SOS2: variants seen among roughly 807,000 people sequenced by gnomAD.
The protein encoded by SOS2 is SOS Ras/Rho guanine nucleotide exchange factor 2.
SOS2 carries 65 observed loss-of-function variants against 148.2 expected under a neutral mutation model. That is an observed-to-expected ratio of 0.44 (90% CI 0.36 to 0.54). The LOEUF is 0.54. Ranked by LOEUF, SOS2 falls within the 20% of genes least tolerant of loss-of-function variation. The pLI is 0.00. For missense variants in SOS2, 1,341 were observed against 1,590.2 expected, an observed-to-expected ratio of 0.84 and a Z score of 2.67; for synonymous variants, 539 against 537.1, an observed-to-expected ratio of 1.00 and a Z score of -0.05.
rs1566487887 is a variant in SOS2, at chr14:50,224,306, TATATATATAC to T, written c.87+6881_87+6890del. Among the ~76,000 whole-genome samples the T allele has an allele frequency of 3.7e-3, 176 of 47,798 alleles. 9 individuals are homozygous for T. Among genetic ancestry groups the T allele is most frequent in the African/African-American group, 0.015 (167 of 11,092 alleles). 31.4% of individuals were successfully genotyped at this position (47,798 alleles called of 152,430 possible). On this transcript the variant is annotated intron_variant, in intron 1 of 22. Transcript: ENST00000216373. ...ACTCCGTCTCAGGAAAAAAAAAAAA[TATATATATAC>T]ACACACACACACACACACACACACA...
At chr14:50,203,644 G>T (rs753815629) in intron 2 of SOS2, among the ~76,000 whole-genome samples, 3 of 151,782 alleles carry the variant, frequency 2.0e-5, no homozygotes, top group Non-Finnish European at 4.4e-5. Context: ...TTAAATCACT[G>T]AGCAAATGTC....
intron 14 of SOS2, among the ~76,000 whole-genome samples, chr14:50,149,337 G>C (rs901324114): frequency 1.3e-5 from 2 of 152,148 alleles, no homozygotes; most frequent in African/African-American, 4.8e-5. Context: ...ATGAAAGCCT[G>C]TCGTTCAAGG....
At chr14:50,172,464 C>T (rs887517291) in intron 8 of SOS2, among the ~76,000 whole-genome samples, 4 of 115,460 alleles carry the variant, frequency 3.5e-5, no homozygotes, top group Non-Finnish European at 4.9e-5. Context: ...GTTGTCCAAG[C>T]TGTCTCCTGC....
At chr14:50,227,202 T>C (rs1373059795) in intron 1 of SOS2, among the ~76,000 whole-genome samples, 2 of 151,786 alleles carry the variant, frequency 1.3e-5, no homozygotes, top group South Asian at 2.1e-4. Flanking sequence ...TATTTTTCCA[T>C]AAACCTATTT....
At chr14:50,168,482 A>G (rs950294514) in intron 8 of SOS2, among the ~76,000 whole-genome samples, 7 of 152,136 alleles carry the variant, frequency 4.6e-5, no homozygotes, top group African/African-American at 1.7e-4. Context: ...TCAGCCTCCC[A>G]AAGTGCTGGG....
At chr14:50,155,042 T>C (rs569992520) in intron 12 of SOS2, among the ~76,000 whole-genome samples, 4 of 150,804 alleles carry the variant, frequency 2.7e-5, no homozygotes, top group Middle Eastern at 3.4e-3. Flanking sequence ...TTAAGGAGTG[T>C]ACTTCAAAAT....
At chr14:50,135,743 T>C (rs1884059185) in intron 18 of SOS2, among the ~76,000 whole-genome samples, 1 of 149,946 alleles carries the variant, frequency 6.7e-6, no homozygotes, top group Non-Finnish European at 1.5e-5. Flanking sequence ...TTGCTTATTT[T>C]ACAAAATACA....
At chr14:50,145,633 A>G in intron 14 of SOS2, 37 bp from the exon 15 acceptor site, 2 of 1,369,564 alleles carry the variant, frequency 1.5e-6, no homozygotes, top group Non-Finnish European at 2.0e-6. Context: ...TAACCTATAA[A>G]GGATTTGTAT....
intron 8 of SOS2, among the ~76,000 whole-genome samples, chr14:50,163,084 T>C (rs1213445005): frequency 6.6e-6 from 1 of 151,340 alleles, no homozygotes; most frequent in African/African-American, 2.4e-5. Flanking sequence ...TTTTTTAATT[T>C]TTCTGTAGAG....
Position 50,200,988 on chromosome 14 carries a change from A to C in SOS2, c.310T>G (p.Leu104Val). Reference protein sequence around the residue: ...IEKRKRRNPLLLPVDKIHPSL... With the variant: ...IEKRKRRNPLVLPVDKIHPSL... ...GGATGGATTTTGTCCACAGGCAGTA[A>C]AAGAGGATTTCTTCGTTTTCGTTTT... The change falls in exon 3 of 23, where the codon TTA becomes GTA. Residue 104 changes from leucine to valine, a missense_variant. This residue lies in a region of SOS2 where 574 missense variants were observed against 711.1 expected (regional missense o/e 0.81). Coordinates refer to ENST00000216373, the MANE Select transcript of SOS2 (RefSeq NM_006939.4). The C allele has an allele frequency of 6.2e-7, 1 of 1,614,020 alleles. No individual in the cohort carries two copies. The highest frequency in any genetic ancestry group is 8.5e-7 in the Non-Finnish European group (1 of 1,179,960).
At chr14:50,120,410 C>T in intron 21 of SOS2, 26 bp from the exon 22 acceptor site, 1 of 1,048,216 alleles carries the variant, frequency 9.5e-7, no homozygotes, top group Non-Finnish European at 1.5e-6. Flanking sequence ...ACTAGTTTAA[C>T]CACAATTCAC....
intron 1 of SOS2, among the ~76,000 whole-genome samples, chr14:50,229,614 G>T (rs1411938421): frequency 2.0e-5 from 3 of 152,036 alleles, no homozygotes; most frequent in Admixed American, 6.6e-5. Context: ...TTCAAGACCA[G>T]CCTGGGCAAC....
intron 1 of SOS2, among the ~76,000 whole-genome samples, chr14:50,221,376 A>G (rs1190735625): frequency 6.6e-6 from 1 of 152,180 alleles, no homozygotes; most frequent in African/African-American, 2.4e-5. Flanking sequence ...ACTCTTTCCT[A>G]AAGAAGATCT....
At chr14:50,135,408 A>G (rs577898771) in intron 18 of SOS2, among the ~76,000 whole-genome samples, 1 of 151,658 alleles carries the variant, frequency 6.6e-6, no homozygotes, top group Non-Finnish European at 1.5e-5. Flanking sequence ...CACTGCCAAA[A>G]AAAGAGAAAA....
rs185215941 is a variant in SOS2 at position 50,129,873 on chromosome 14, T to A, written c.3379+88A>T. On this transcript the variant is annotated intron_variant, in intron 21 of 22. Coordinates refer to ENST00000216373, the MANE Select transcript of SOS2 (RefSeq NM_006939.4). ...TTATAACTTTTCTTGTTCTTTAATA[T>A]TGCCAAAACTCAAAATACTCAAATA... The A allele has an allele frequency of 1.1e-4, 88 of 776,090 alleles. 1 individual carries two copies. The African/African-American group carries it at 1.4e-3, about 12-fold the overall frequency. The allele number at this position is 776,090 out of a possible 1,614,324, so 48.1% of individuals were successfully genotyped here. A position where few individuals can be genotyped will look rare whatever the true frequency, so the allele number is the denominator to read the frequency against.
At chr14:50,200,281 G>T (rs570704613) in intron 3 of SOS2, among the ~76,000 whole-genome samples, 281 of 152,048 alleles carry the variant, frequency 1.8e-3, no homozygotes, top group Admixed American at 3.1e-3. Flanking sequence ...GGCGGGGCGG[G>T]GGGGGCTTGA....
At chr14:50,224,364 C>CACATAT (rs1339727223) in intron 1 of SOS2, among the ~76,000 whole-genome samples, 15 of 109,364 alleles carry the variant, frequency 1.4e-4, no homozygotes, top group African/African-American at 1.8e-4. Context: ...CACACACACA[C>CACATAT]ATATATATAA....
intron 1 of SOS2, among the ~76,000 whole-genome samples, chr14:50,220,726 G>A (rs1717878537): frequency 1.3e-5 from 2 of 152,120 alleles, no homozygotes; most frequent in African/African-American, 4.8e-5. Context: ...TATTTAAAAT[G>A]CAGATAAGTA....
chr14:50,188,520 CAGAA>C lies in SOS2; in HGVS notation c.687_690del (p.Ser230IlefsTer23). On this transcript the variant is annotated frameshift_variant, in exon 5 of 23. Coordinates refer to ENST00000216373, the MANE Select transcript of SOS2 (RefSeq NM_006939.4). LOFTEE classifies it high-confidence loss of function. ...ACAGAAGGTTTAAACAGCTTTCTAT[CAGAA>C]AGAAAGGCTTCTCGAAACACTTTTA... 1 of 1,599,006 alleles carries C rather than the reference CAGAA, an allele frequency of 6.3e-7. No homozygotes were observed. Among genetic ancestry groups the C allele is most frequent in the South Asian group, 1.1e-5 (1 of 88,178 alleles).
Sources: gnomAD v4.1 joint callset for allele counts (sites outside exome capture counted in the v4.1 genomes callset) on GRCh38, gnomAD v4.1.1 for gene constraint, gnomAD v4.1.1 regional missense constraint, MANE v1.5 for transcripts, NCBI Gene and HGNC (gene_info 2026-07-23, HGNC 2026-07-21) for gene names.